CEP63: variants seen among roughly 807,000 people sequenced by gnomAD.
CEP63 encodes centrosomal protein 63.
CEP63 carries 84 observed loss-of-function variants against 89.1 expected under a neutral mutation model. The ratio of observed to expected loss-of-function variants is 0.94; its 90% CI spans 0.79 to 1.13. The LOEUF (loss-of-function observed/expected upper bound fraction) is 1.13, where lower values mean the gene tolerates loss of function less well. Among genes scored for constraint, CEP63 ranks in the 50% most tolerant of loss-of-function variants. The probability of loss-of-function intolerance (pLI) is 0.00; values close to 1 mark genes in which losing one functional copy is unlikely to be tolerated. For synonymous variants in CEP63, 267 were observed against 272.5 expected, an observed-to-expected ratio of 0.98 and a Z score of 0.20; for missense variants, 838 against 813.3, an observed-to-expected ratio of 1.03 and a Z score of -0.37.
intron 11 of CEP63, 29 bp from the exon 12 acceptor site, chr3:134,551,891 GTTATAT>G (rs1028089846): frequency 1.2e-5 from 17 of 1,441,298 alleles, no homozygotes; most frequent in Non-Finnish European, 1.6e-5. Context: ...TGATTTACAT[GTTATAT>G]TTATTTTTTT....
At chr3:134,776,885 C>G in the CEP63 span, among the ~76,000 whole-genome samples, 1 of 152,162 alleles carries the variant, frequency 6.6e-6, no homozygotes, top group East Asian at 1.9e-4. Flanking sequence ...TCCCAAGATA[C>G]TAGCAGGGGT....
the CEP63 span, among the ~76,000 whole-genome samples, chr3:134,643,036 T>C: frequency 6.6e-6 from 1 of 152,194 alleles, no homozygotes; most frequent in African/African-American, 2.4e-5. Context: ...GAATGTTGAA[T>C]AGTGATGACA....
chr3:134,621,691 G>A, the CEP63 span, among the ~76,000 whole-genome samples: 3 of 151,988 alleles, frequency 2.0e-5, no homozygotes, highest in Non-Finnish European at 1.5e-5. Context: ...AAAAGCACAA[G>A]CAACAAAGGA....
At chr3:134,547,279 A>T in intron 8 of CEP63, 56 bp from the exon 9 acceptor site, 3 of 1,529,738 alleles carry the variant, frequency 2.0e-6, no homozygotes, top group Admixed American at 3.3e-5. Context: ...CTAGATGAGC[A>T]TTATTTTTGT....
the CEP63 span, among the ~76,000 whole-genome samples, chr3:134,766,428 C>T: frequency 6.6e-6 from 1 of 152,258 alleles, no homozygotes; most frequent in Non-Finnish European, 1.5e-5. Context: ...CCTCCTCCAA[C>T]ATGAGCCCTT....
the CEP63 span, chr3:134,604,206 G>A: frequency 6.2e-7 from 1 of 1,612,694 alleles, no homozygotes. Context: ...ACCAGCTGGG[G>A]CCCACGGGCT....
downstream of CEP63, among the ~76,000 whole-genome samples, chr3:134,588,056 G>A (rs146476399): frequency 9.2e-5 from 14 of 152,284 alleles, no homozygotes; most frequent in East Asian, 2.5e-3. Flanking sequence ...CACTTTGGGA[G>A]GCCAATGTGG....
chr3:134,551,124 G>T (rs1218032017), intron 11 of CEP63, among the ~76,000 whole-genome samples: 1 of 152,172 alleles, frequency 6.6e-6, no homozygotes, highest in Non-Finnish European at 1.5e-5. Context: ...GAAACTGGTG[G>T]AGAGGACATT....
chr3:134,638,482 CCT>C, the CEP63 span, among the ~76,000 whole-genome samples: 1 of 152,172 alleles, frequency 6.6e-6, no homozygotes, highest in African/African-American at 2.4e-5. Context: ...GCCTGGCTGG[CCT>C]CTCTCATGCA....
chr3:134,698,409 G>C, the CEP63 span, among the ~76,000 whole-genome samples: 1,280 of 152,338 alleles, frequency 8.4e-3, 24 homozygotes, highest in African/African-American at 0.029. Context: ...CTGAGTGAAG[G>C]GGGGCGGGAT....
intron 4 of CEP63, among the ~76,000 whole-genome samples, chr3:134,532,180 G>T (rs961842612): frequency 6.6e-6 from 1 of 152,122 alleles, no homozygotes; most frequent in Non-Finnish European, 1.5e-5. Flanking sequence ...GTACCTGAAA[G>T]AAATAGAGCT....
At chr3:134,763,678 C>T in the CEP63 span, among the ~76,000 whole-genome samples, 1 of 152,192 alleles carries the variant, frequency 6.6e-6, no homozygotes, top group African/African-American at 2.4e-5. Flanking sequence ...CGTATTCTTT[C>T]CAGGACCATA....
chr3:134,537,408 T>A, intron 6 of CEP63, 140 bp downstream of exon 6: 1 of 672,666 alleles, frequency 1.5e-6, no homozygotes, highest in East Asian at 2.9e-5. Context: ...AGGAAGCCTC[T>A]CCTCAGCATC....
At chr3:134,531,991 C>A in intron 4 of CEP63, 51 bp downstream of exon 4, 1 of 1,296,502 alleles carries the variant, frequency 7.7e-7, no homozygotes, top group Non-Finnish European at 1.1e-6. Context: ...CTCTCTTTCA[C>A]CCTTGAGAAC....
chr3:134,732,945 GAAGTAAAC>G, the CEP63 span, among the ~76,000 whole-genome samples: 3 of 152,252 alleles, frequency 2.0e-5, no homozygotes, highest in African/African-American at 2.4e-5. Context: ...CACAACAATA[GAAGTAAAC>G]AAGTATTGTC....
At chr3:134,507,365 G>T in intron 3 of CEP63, 79 bp downstream of exon 3, 1 of 1,126,666 alleles carries the variant, frequency 8.9e-7, no homozygotes. Flanking sequence ...AGTATTTGTT[G>T]AAGAAAGAAT....
At chr3:134,590,369 TG>T (rs1958576210), downstream of CEP63, among the ~76,000 whole-genome samples, 1 of 152,224 alleles carries the variant, frequency 6.6e-6, no homozygotes, top group African/African-American at 2.4e-5. Flanking sequence ...GGTCAATGCA[TG>T]ACAATAGTTC....
chr3:134,744,286 C>A, the CEP63 span, among the ~76,000 whole-genome samples: 20 of 152,064 alleles, frequency 1.3e-4, no homozygotes, highest in African/African-American at 3.6e-4. Context: ...CCAGATATAG[C>A]CTTTGGGTTT....
At chr3:134,715,820 C>T in the CEP63 span, among the ~76,000 whole-genome samples, 1 of 152,106 alleles carries the variant, frequency 6.6e-6, no homozygotes, top group Admixed American at 6.5e-5. Context: ...ACCCTTTGTT[C>T]AAGATCTCTC....
Sources: allele counts gnomAD v4.1 joint callset (sites outside exome capture counted in the v4.1 genomes callset), GRCh38; gene constraint gnomAD v4.1.1; transcripts MANE v1.5; gene names NCBI Gene and HGNC (gene_info 2026-07-23, HGNC 2026-07-21).